Variants in KCNMA1 observed in about 807,000 individuals in gnomAD.
KCNMA1 encodes potassium calcium-activated channel subfamily M alpha 1.
KCNMA1 carries 29 observed loss-of-function variants against 140.0 expected under a neutral mutation model. The observed-to-expected ratio is 0.21, with a 90% CI of 0.15 to 0.28. The LOEUF (loss-of-function observed/expected upper bound fraction) is 0.28, where lower values mean the gene tolerates loss of function less well. KCNMA1 is among the 10% of genes least tolerant of loss of function. The pLI, the probability that KCNMA1 is intolerant of heterozygous loss-of-function variation, is 1.00. For missense variants in KCNMA1, 880 were observed against 1,602.2 expected, an observed-to-expected ratio of 0.55 and a Z score of 7.70; for synonymous variants, 612 against 611.9, an observed-to-expected ratio of 1.00 and a Z score of 0.00.
chr10:77,429,481 C>T (rs2097101776), intron 1 of KCNMA1, among the ~76,000 whole-genome samples: 1 of 152,186 alleles, frequency 6.6e-6, no homozygotes, highest in African/African-American at 2.4e-5. Context: ...ACCATTTGAA[C>T]ATCGCTGGTC....
chr10:76,907,641 C>T (rs867058832), intron 25 of KCNMA1, among the ~76,000 whole-genome samples: 9 of 152,116 alleles, frequency 5.9e-5, no homozygotes, highest in Admixed American at 2.0e-4. Flanking sequence ...CAGGCTCAAG[C>T]GATTCTCAGG....
intron 1 of KCNMA1, among the ~76,000 whole-genome samples, chr10:77,467,517 C>A (rs2154527052): frequency 6.6e-6 from 1 of 152,292 alleles, no homozygotes; most frequent in Non-Finnish European, 1.5e-5. Flanking sequence ...TCATAGAATC[C>A]AGTGGCAGAA....
intron 24 of KCNMA1, 75 bp downstream of exon 24, chr10:76,914,861 A>C: frequency 8.8e-7 from 1 of 1,140,176 alleles, no homozygotes; most frequent in East Asian, 2.4e-5. Context: ...CTAAGAAATA[A>C]ACCAACCTCC....
At chr10:77,388,660 G>T in intron 2 of KCNMA1, among the ~76,000 whole-genome samples, 1 of 152,134 alleles carries the variant, frequency 6.6e-6, no homozygotes, top group Non-Finnish European at 1.5e-5. Context: ...AAAAGGATTG[G>T]GATTCAAAGT....
chr10:77,608,546 C>T lies in KCNMA1; in HGVS notation c.378+28719G>A, dbSNP rs184444577. On this transcript the variant is annotated intron_variant, in intron 1 of 27. Coordinates refer to ENST00000286628, the MANE Select transcript of KCNMA1 (RefSeq NM_001161352.2). The stretch of plus-strand genomic sequence containing the variant: ...GAGAGGATGCACCCCCACACACACA[C>T]GCATTATAGTCCATAGTCTCTCATC... Among the ~76,000 whole-genome samples, 248 of 152,216 alleles carry T rather than the reference C, an allele frequency of 1.6e-3. 1 individual carries two copies. Among genetic ancestry groups the T allele is most frequent in the African/African-American group, 5.1e-3 (210 of 41,522 alleles).
intron 5 of KCNMA1, among the ~76,000 whole-genome samples, chr10:77,137,671 T>G (rs563762537): frequency 1.3e-5 from 2 of 152,356 alleles, no homozygotes; most frequent in African/African-American, 2.4e-5. Context: ...CAAATGCCCC[T>G]GGGCTTTTGT....
intron 3 of KCNMA1, among the ~76,000 whole-genome samples, chr10:77,229,129 C>G (rs546924340): frequency 1.3e-5 from 2 of 148,192 alleles, no homozygotes; most frequent in South Asian, 4.4e-4. Flanking sequence ...ATGACTACTT[C>G]AAGTCCACCC....
chr10:77,460,084 T>C (rs1370209583), intron 1 of KCNMA1, among the ~76,000 whole-genome samples: 2 of 152,196 alleles, frequency 1.3e-5, no homozygotes, highest in Non-Finnish European at 2.9e-5. Context: ...TGTAAACAAA[T>C]GGATGTTCCA....
chr10:77,255,825 A>C (rs1244373489), intron 2 of KCNMA1, among the ~76,000 whole-genome samples: 4 of 151,486 alleles, frequency 2.6e-5, no homozygotes, highest in African/African-American at 9.7e-5. Flanking sequence ...AGGCAGAAGA[A>C]TCTCTTGAAC....
chr10:77,286,844 T>G (rs189177834), intron 2 of KCNMA1, among the ~76,000 whole-genome samples: 28 of 151,656 alleles, frequency 1.8e-4, no homozygotes, highest in African/African-American at 6.3e-4. Flanking sequence ...GTTGAGTTTC[T>G]AAGCTGATAG....
intron 25 of KCNMA1, among the ~76,000 whole-genome samples, chr10:76,899,321 CT>C (rs1564786000): frequency 6.6e-6 from 1 of 151,952 alleles, no homozygotes; most frequent in Non-Finnish European, 1.5e-5. Context: ...CAAAATTGTC[CT>C]CTCATGTAGT....
At chr10:77,556,080 G>A (rs193230497) in intron 1 of KCNMA1, among the ~76,000 whole-genome samples, 8 of 152,298 alleles carry the variant, frequency 5.3e-5, no homozygotes, top group African/African-American at 1.9e-4. Context: ...CTTGGGCTTG[G>A]ATTTCCGGTC....
chr10:77,626,058 G>A (rs1477931605), intron 1 of KCNMA1, among the ~76,000 whole-genome samples: 1 of 151,280 alleles, frequency 6.6e-6, no homozygotes, highest in Non-Finnish European at 1.5e-5. Flanking sequence ...CCTAACAGAT[G>A]TGACTGTGTC....
rs150002196 is a variant in KCNMA1, at chr10:76,981,209, A to T, written c.2267-11142T>A. 8.2e-3 allele frequency among the ~76,000 whole-genome samples: 1,255 copies of T among 152,286 alleles called. 12 individuals are homozygous for T. The highest frequency in any genetic ancestry group is 0.011 in the Non-Finnish European group (780 of 68,028). Reference sequence around the variant, plus strand: ...GCAATTGAGCCGCTAACCAACACTTAGAATGGGGTGAGCATTCCCACCCCC... The same window carrying T: ...GCAATTGAGCCGCTAACCAACACTTTGAATGGGGTGAGCATTCCCACCCCC... On this transcript the variant is annotated intron_variant, in intron 19 of 27. Transcript: ENST00000286628.
At chr10:77,247,901 A>G (rs1412099270) in intron 3 of KCNMA1, among the ~76,000 whole-genome samples, 1 of 152,124 alleles carries the variant, frequency 6.6e-6, no homozygotes, top group African/African-American at 2.4e-5. Flanking sequence ...AGCTCTGAGG[A>G]CAATCTGTCT....
At chr10:76,879,143 A>T (rs1589367983) in intron 29 of KCNMA1, among the ~76,000 whole-genome samples, 1 of 152,130 alleles carries the variant, frequency 6.6e-6, no homozygotes, top group African/African-American at 2.4e-5. Context: ...TTTATAAATT[A>T]TCTATGATCA....
intron 18 of KCNMA1, among the ~76,000 whole-genome samples, chr10:77,003,990 T>C (rs1387623870): frequency 2.0e-5 from 3 of 152,172 alleles, no homozygotes; most frequent in African/African-American, 7.2e-5. Flanking sequence ...TGCATTGTTC[T>C]AAAATTTCTT....
intron 3 of KCNMA1, among the ~76,000 whole-genome samples, chr10:77,201,813 G>A (rs2154155795): frequency 1.3e-5 from 2 of 151,072 alleles, no homozygotes. Context: ...AAATGTCTTG[G>A]ATCTACACAG....
At chr10:77,614,365 C>T (rs769136987) in intron 1 of KCNMA1, among the ~76,000 whole-genome samples, 3 of 152,114 alleles carry the variant, frequency 2.0e-5, no homozygotes, top group Admixed American at 6.5e-5. Context: ...CAGTGGCCCA[C>T]AGACCAGAGT....
Sources: allele counts gnomAD v4.1 joint callset (sites outside exome capture counted in the v4.1 genomes callset), GRCh38; gene constraint gnomAD v4.1.1; transcripts MANE v1.5; gene names NCBI Gene and HGNC (gene_info 2026-07-23, HGNC 2026-07-21).